TIAL1: variants seen among roughly 807,000 people sequenced by gnomAD.
TIAL1 encodes the protein TIA1 cytotoxic granule associated RNA binding protein like 1.
TIAL1 carries 7 observed loss-of-function variants against 59.7 expected under a neutral mutation model. The observed-to-expected ratio is 0.12, with a 90% CI of 0.07 to 0.22. TIAL1 has a LOEUF of 0.22. Ranked by LOEUF, TIAL1 falls within the 10% of genes least tolerant of loss-of-function variation. TIAL1 has a pLI of 1.00. For synonymous variants in TIAL1, 149 were observed against 146.3 expected, an observed-to-expected ratio of 1.02 and a Z score of -0.13; for missense variants, 225 against 462.5, an observed-to-expected ratio of 0.49 and a Z score of 4.71.
Position 119,575,349 on chromosome 10 carries a change from T to C in TIAL1, c.*316A>G, listed in dbSNP as rs1441717125. 1 of 224,098 alleles carries C rather than the reference T, an allele frequency of 4.5e-6. No individual in the cohort carries two copies. Among genetic ancestry groups the C allele is most frequent in the Non-Finnish European group, 8.9e-6 (1 of 111,846 alleles). The allele number at this position is 224,098 out of a possible 1,614,324, so 13.9% of individuals were successfully genotyped here. On this transcript the variant is annotated 3_prime_UTR_variant, in exon 12 of 12. Transcript: ENST00000436547. ...ACTGAACAGCAAGATAAAAATGGAA[T>C]AGTATCTAAGAATCAAAATGTATTA...
chr10:119,575,437 T>G lies in TIAL1; in HGVS notation c.*228A>C. 1 of 406,174 alleles carries G rather than the reference T, an allele frequency of 2.5e-6. No homozygotes were observed. The highest frequency in any genetic ancestry group is 4.3e-6 in the Non-Finnish European group (1 of 231,658). The allele number at this position is 406,174 out of a possible 1,614,324, so 25.2% of individuals were successfully genotyped here. A position where few individuals can be genotyped will look rare whatever the true frequency, so the allele number is the denominator to read the frequency against. On this transcript the variant is annotated 3_prime_UTR_variant, in exon 12 of 12. Transcript: ENST00000436547. ...TTGTCTTTATTGACTTTATTTTAGTTTTTGTACATAAAGAAAAATCATGTT... is the reference window on the plus strand; with the variant it reads ...TTGTCTTTATTGACTTTATTTTAGTGTTTGTACATAAAGAAAAATCATGTT...
chr10:119,582,318 T>C lies in TIAL1; in HGVS notation c.229-95A>G, dbSNP rs1845343767. The C allele has an allele frequency of 7.5e-6, 11 of 1,473,584 alleles. No individual in the cohort carries two copies. In the Admixed American group the frequency reaches 2.2e-4, roughly 29 times the overall value. 91.3% of individuals were successfully genotyped at this position (1,473,584 alleles called of 1,614,324 possible). On this transcript the variant is annotated intron_variant, in intron 3 of 11. Transcript: ENST00000436547. This position sits in a 1 kb window ranked among gnomAD's most constrained non-coding sequence, Gnocchi z 5.1. ...AATCATTTATCAAGCAGGGTTATTT[T>C]TGTAAAAGCACTAAGCTGAATAAAG...
intron 7 of TIAL1, among the ~76,000 whole-genome samples, 183 bp downstream of exon 7, chr10:119,578,543 A>T (rs1845143251): frequency 6.6e-6 from 1 of 152,114 alleles, no homozygotes; most frequent in Admixed American, 6.6e-5. Context: ...AGGTGAAAGG[A>T]TCACTTATAC....
At chr10:119,581,204 C>T (rs1178093297) in intron 5 of TIAL1, among the ~76,000 whole-genome samples, 1 of 151,896 alleles carries the variant, frequency 6.6e-6, no homozygotes, top group Non-Finnish European at 1.5e-5. Context: ...TTATGATAAA[C>T]ATTTTCTACA....
At position 119,578,821 on chromosome 10, in the gene TIAL1, G is replaced by A. The variant is rs1216627667; in HGVS notation, c.461C>T (p.Ala154Val). ...CCACTGACCGCCCATATGCACAATCGCATTTTCTGCATCCTATGGATAAAA... is the reference window on the plus strand; with the variant it reads ...CCACTGACCGCCCATATGCACAATCACATTTTCTGCATCCTATGGATAAAA... ...SFYNKLDAEN[A>V]IVHMGGQWLG... is the part of the protein sequence containing the mutation. The change falls in exon 7 of 12, where the codon GCG (alanine) becomes GTG (valine). Residue 154 changes from alanine (A) to valine (V), a missense_variant. Ala to Val is a moderately conservative substitution (Grantham distance 64). Coordinates refer to ENST00000436547, the MANE Select transcript of TIAL1 (RefSeq NM_003252.4). 2 of 1,613,674 alleles carry A rather than the reference G, an allele frequency of 1.2e-6. No individual in the cohort carries two copies. The highest frequency in any genetic ancestry group is 1.1e-5 in the South Asian group (1 of 91,044).
rs76027843 is a variant in TIAL1 at position 119,589,943 on chromosome 10, G to C, written c.33-1695C>G. On this transcript the variant is annotated intron_variant, in intron 1 of 11. Coordinates refer to ENST00000436547, the MANE Select transcript of TIAL1 (RefSeq NM_003252.4). ...TTGTAATATATTACATCTGGAAACT[G>C]AGTATTAAGACCAAAATAAGACTTG... Among the ~76,000 whole-genome samples the C allele has an allele frequency of 9.1e-3, 1,381 of 152,238 alleles. 24 individuals are homozygous for C. Among genetic ancestry groups the C allele is most frequent in the African/African-American group, 0.024 (1,000 of 41,540 alleles).
In TIAL1 at chr10:119,575,647, T is replaced by A. The variant is rs1208377798; in HGVS notation, c.*18A>T. Reference sequence around the variant, plus strand: ...TCGAAGCCTATCATGAATTACAATTTTTTTTTAGAGTCCCGGCTCACTGTG... The same window carrying A: ...TCGAAGCCTATCATGAATTACAATTATTTTTTAGAGTCCCGGCTCACTGTG... On this transcript the variant is annotated 3_prime_UTR_variant, in exon 12 of 12. Transcript: ENST00000436547. The A allele has an allele frequency of 2.5e-6, 4 of 1,613,530 alleles. No homozygotes were observed. Among genetic ancestry groups the A allele is most frequent in the Non-Finnish European group, 3.4e-6 (4 of 1,179,790 alleles).
At chr10:119,579,318 A>G (rs1379417158) in intron 6 of TIAL1, among the ~76,000 whole-genome samples, 1 of 152,180 alleles carries the variant, frequency 6.6e-6, no homozygotes, top group Admixed American at 6.6e-5. Context: ...AGCCTGGGCA[A>G]CAGAGCGAGA....
chr10:119,581,095 T>C (rs1444909927), intron 5 of TIAL1, among the ~76,000 whole-genome samples: 1 of 152,084 alleles, frequency 6.6e-6, no homozygotes, highest in Non-Finnish European at 1.5e-5. Flanking sequence ...AATATTGTTG[T>C]TCTTAGTTGA....
chr10:119,594,052 A>T (rs1846023383), intron 1 of TIAL1, among the ~76,000 whole-genome samples: 2 of 147,802 alleles, frequency 1.4e-5, no homozygotes, highest in Admixed American at 6.8e-5. Context: ...ACCTAGGAAG[A>T]TGTAGTAGTC....
chr10:119,575,526 C>T lies in TIAL1; in HGVS notation c.*139G>A. ...AGAAGACACGTGTCCTTCACCAAAG[C>T]AAATCTGTGCTAAAGGTTCCAAACA... On this transcript the variant is annotated 3_prime_UTR_variant, in exon 12 of 12. Coordinates refer to ENST00000436547, the MANE Select transcript of TIAL1 (RefSeq NM_003252.4). 8.6e-7 allele frequency: 1 copy of T among 1,167,266 alleles called. No homozygotes were observed. Among genetic ancestry groups the T allele is most frequent in the Non-Finnish European group, 1.2e-6 (1 of 831,494 alleles). 72.3% of individuals were successfully genotyped at this position (1,167,266 alleles called of 1,614,324 possible).
In TIAL1 at chr10:119,574,395, T is replaced by C. The variant is rs1379113253; in HGVS notation, c.*1270A>G. On this transcript the variant is annotated 3_prime_UTR_variant, in exon 12 of 12. Coordinates refer to ENST00000436547, the MANE Select transcript of TIAL1 (RefSeq NM_003252.4). ...TTTAAACTGAATATCCAATTATAAA[T>C]TGGTACATTGAAGTGTCTAAATAAG... 2.0e-5 allele frequency: 3 copies of C among 152,184 alleles called. No homozygotes were observed. Among genetic ancestry groups the C allele is most frequent in the African/African-American group, 7.2e-5 (3 of 41,418 alleles). 9.4% of individuals were successfully genotyped at this position (152,184 alleles called of 1,614,324 possible).
chr10:119,592,291 T>C (rs1486129871), intron 1 of TIAL1: 1 of 152,202 alleles, frequency 6.6e-6, no homozygotes, highest in African/African-American at 2.4e-5. Flanking sequence ...ACAGGAACTG[T>C]AGGAACTGAA....
At chr10:119,590,820 G>GAAAGAAAGAAAC (rs780101655) in intron 1 of TIAL1, among the ~76,000 whole-genome samples, 2 of 147,046 alleles carry the variant, frequency 1.4e-5, no homozygotes, top group East Asian at 4.0e-4. Context: ...AAGAAAGAAA[G>GAAAGAAAGAAAC]AAACGAACAA....
At chr10:119,592,132 C>T (rs1845913533) in intron 1 of TIAL1, 1 of 152,022 alleles carries the variant, frequency 6.6e-6, no homozygotes, top group African/African-American at 2.4e-5. Flanking sequence ...AGAACATACA[C>T]AAAATAACAG....
intron 1 of TIAL1, among the ~76,000 whole-genome samples, chr10:119,588,812 A>T (rs1333490321): frequency 6.6e-6 from 1 of 152,164 alleles, no homozygotes; most frequent in Non-Finnish European, 1.5e-5. Context: ...GATCTTGTAT[A>T]CCCCAATGGC....
intron 10 of TIAL1, 101 bp downstream of exon 10, chr10:119,576,979 G>A: frequency 6.9e-7 from 1 of 1,452,788 alleles, no homozygotes; most frequent in South Asian, 1.3e-5. Flanking sequence ...ACTGAAAGTA[G>A]CTATATGCTT....
At chr10:119,578,647 G>A in intron 7 of TIAL1, 79 bp downstream of exon 7, 1 of 1,251,684 alleles carries the variant, frequency 8.0e-7, no homozygotes, top group Non-Finnish European at 1.2e-6. Flanking sequence ...AAATAAATTA[G>A]AAATTGAGAC....
chr10:119,590,884 A>G (rs1845851017), intron 1 of TIAL1, among the ~76,000 whole-genome samples: 1 of 152,238 alleles, frequency 6.6e-6, no homozygotes, highest in African/African-American at 2.4e-5. Context: ...TAGTTAGCTC[A>G]CTTCTAAGAG....
Sources: allele counts gnomAD v4.1 joint callset (sites outside exome capture counted in the v4.1 genomes callset), GRCh38; gene constraint gnomAD v4.1.1; non-coding constraint Gnocchi (gnomAD v3.1); transcripts MANE v1.5; gene names NCBI Gene and HGNC (gene_info 2026-07-23, HGNC 2026-07-21).